Variants in CTCF observed in about 807,000 individuals in gnomAD.
CTCF encodes the protein CCCTC-binding factor, also known as transcriptional repressor CTCF.
CTCF carries 7 observed loss-of-function variants against 72.3 expected under a neutral mutation model. The ratio of observed to expected loss-of-function variants is 0.10; its 90% confidence interval spans 0.06 to 0.18. The LOEUF (loss-of-function observed/expected upper bound fraction) is 0.18. Ranked by LOEUF, CTCF falls within the 10% of genes least tolerant of loss-of-function variation. The pLI, the probability that CTCF is intolerant of heterozygous loss-of-function variation, is 1.00. For missense variants in CTCF, 516 were observed against 949.1 expected (o/e 0.54, Z 6.00); for synonymous variants, 374 against 315.8 (o/e 1.18, Z -1.95).
At position 67,636,810 on chromosome 16, in the gene CTCF, G is replaced by C. The variant is rs2142887151; in HGVS notation, c.1958G>C (p.Gly653Ala). 1 of 1,598,498 alleles carries C rather than the reference G, an allele frequency of 6.3e-7. No homozygotes were observed. The highest frequency in any genetic ancestry group is 8.5e-7 in the Non-Finnish European group (1 of 1,172,162). Residue 653 changes from glycine (G) to alanine (A), a missense_variant, in exon 11 of 12, where the codon GGA (glycine) becomes GCA (alanine). Physicochemically the swap from Gly to Ala is moderately conservative, Grantham distance 60 (BLOSUM62 0). Coordinates refer to ENST00000264010, the MANE Select transcript of CTCF (RefSeq NM_006565.4). ...CCACCACCCGCCAAGAAGCGGAGAG[G>C]ACGACCCCCTGGCAGAACCAACCAG... ...PAPPPAKKRR[G>A]RPPGRTNQPK...
At chr16:67,590,006 G>A (rs930786143) in intron 2 of CTCF, among the ~76,000 whole-genome samples, 5 of 152,058 alleles carry the variant, frequency 3.3e-5, no homozygotes, top group African/African-American at 7.2e-5. Flanking sequence ...AGAATCACTT[G>A]AACGCAGGAG....
intron 2 of CTCF, among the ~76,000 whole-genome samples, chr16:67,590,131 A>C (rs1312174926): frequency 1.3e-5 from 2 of 151,114 alleles, no homozygotes; most frequent in African/African-American, 4.9e-5. Flanking sequence ...TTTTTTTTTA[A>C]AGAAGAGAGT....
intron 2 of CTCF, among the ~76,000 whole-genome samples, chr16:67,573,239 T>A (rs2142720578): frequency 6.7e-6 from 1 of 149,764 alleles, no homozygotes; most frequent in East Asian, 2.0e-4. Flanking sequence ...AGAGTGAGAC[T>A]CTGTCTCAAA....
In CTCF at chr16:67,572,956, C is replaced by G. The variant is rs529181537; in HGVS notation, c.-10+1692C>G. On this transcript the variant is annotated intron_variant, in intron 2 of 11. Coordinates refer to ENST00000264010, the MANE Select transcript of CTCF (RefSeq NM_006565.4). ...CTGTCTGCCCCCCCCCGCCCCCCCC[C>G]CCAAAACAACAAAAGACTGGGCGCG... Among the ~76,000 whole-genome samples the G allele has an allele frequency of 2.1e-4, 29 of 135,800 alleles. No individual in the cohort carries two copies. The South Asian group carries it at 6.7e-3, about 32-fold the overall frequency. The allele number at this position is 135,800 out of a possible 152,430, so 89.1% of individuals were successfully genotyped here.
chr16:67,612,143 G>A (rs1321464791), intron 4 of CTCF, 22 bp downstream of exon 4: 21 of 1,589,370 alleles, frequency 1.3e-5, no homozygotes, highest in Non-Finnish European at 1.5e-5. Context: ...GAATGTTGGG[G>A]GCTACAACAG....
In CTCF at chr16:67,567,557, A is replaced by G. The variant is rs908631543; in HGVS notation, c.-126-3591A>G. 1.1e-4 allele frequency among the ~76,000 whole-genome samples: 16 copies of G among 152,138 alleles called. 1 individual carries two copies. The Middle Eastern group carries it at 0.01, about 97-fold the overall frequency. On this transcript the variant is annotated intron_variant, in intron 1 of 11. Transcript: ENST00000264010. ...GATTTCCTCTTAGAAGATGTACCTC[A>G]TGTGCCAAATTGCTTGGAAACTTTT...
intron 9 of CTCF, 60 bp from the exon 10 acceptor site, chr16:67,629,338 C>T (rs912651130): frequency 2.7e-6 from 4 of 1,498,320 alleles, no homozygotes; most frequent in Admixed American, 2.1e-5. Flanking sequence ...AAGTAAATAA[C>T]TTCCAATCTG....
chr16:67,606,556 C>G (rs192263876), intron 2 of CTCF, among the ~76,000 whole-genome samples: 48 of 151,856 alleles, frequency 3.2e-4, no homozygotes, highest in African/African-American at 1.1e-3. Flanking sequence ...TAATGTCATT[C>G]TCTCTGTAGT....
chr16:67,620,685 T>C lies in CTCF; in HGVS notation c.1087-12T>C. 1 of 1,547,430 alleles carries C rather than the reference T, an allele frequency of 6.5e-7. No homozygotes were observed. The highest frequency in any genetic ancestry group is 8.8e-7 in the Non-Finnish European group (1 of 1,131,846). On this transcript the variant is annotated splice_polypyrimidine_tract_variant and intron_variant, in intron 5 of 11. Coordinates refer to ENST00000264010, the MANE Select transcript of CTCF (RefSeq NM_006565.4). ...TAACAGAAGTTAAAGTTCGGTTGTT[T>C]TCGTATTTCAGGTCAGCAAATTAAA...
intron 2 of CTCF, among the ~76,000 whole-genome samples, chr16:67,581,334 T>C (rs1274836221): frequency 1.3e-5 from 2 of 151,514 alleles, no homozygotes; most frequent in Non-Finnish European, 2.9e-5. Context: ...TTTTCTTTTT[T>C]TTTTTTTTGA....
chr16:67,566,434 C>T (rs2051343511), intron 1 of CTCF, among the ~76,000 whole-genome samples: 1 of 143,912 alleles, frequency 6.9e-6, no homozygotes, highest in Admixed American at 7.2e-5. Flanking sequence ...CACTTGAACC[C>T]GGGAGGCGGA....
chr16:67,566,780 C>T (rs1405044752), intron 1 of CTCF, among the ~76,000 whole-genome samples: 1 of 151,934 alleles, frequency 6.6e-6, no homozygotes, highest in African/African-American at 2.4e-5. Context: ...GGGGTTTCAC[C>T]GTGTTAGCAA....
chr16:67,627,428 T>C (rs1413975646), intron 8 of CTCF: 1 of 151,540 alleles, frequency 6.6e-6, no homozygotes, highest in African/African-American at 2.4e-5. Flanking sequence ...GGGGCGGAGG[T>C]TGCATTGAGC....
At chr16:67,606,764 T>G (rs899116871) in intron 2 of CTCF, among the ~76,000 whole-genome samples, 4 of 149,440 alleles carry the variant, frequency 2.7e-5, no homozygotes, top group Admixed American at 6.6e-5. Context: ...GGGTTTTTTT[T>G]TTTTTTTTTT....
rs1393803483 is a variant in CTCF at position 67,581,968 on chromosome 16, A to G, written c.-10+10704A>G. 3.9e-5 allele frequency among the ~76,000 whole-genome samples: 6 copies of G among 152,206 alleles called. No individual in the cohort carries two copies. The East Asian group carries it at 1.2e-3, about 30-fold the overall frequency. ...GCCGGGTGCAGTGGCTCATGCCTGT[A>G]ATCCCAGCACTTTGGGAGGCCGAGG... On this transcript the variant is annotated intron_variant, in intron 2 of 11. Transcript: ENST00000264010.
At chr16:67,625,136 A>C (rs2052266393) in intron 7 of CTCF, among the ~76,000 whole-genome samples, 1 of 152,002 alleles carries the variant, frequency 6.6e-6, no homozygotes, top group Admixed American at 6.6e-5. Flanking sequence ...TATGTTGGCC[A>C]GGCCAGGTCT....
At chr16:67,598,810 T>A (rs1246876586) in intron 2 of CTCF, among the ~76,000 whole-genome samples, 1 of 152,230 alleles carries the variant, frequency 6.6e-6, no homozygotes. Flanking sequence ...TAGACTAGAA[T>A]GCTGAATTCC....
chr16:67,584,121 C>T (rs1358863269), intron 2 of CTCF, among the ~76,000 whole-genome samples: 1 of 151,740 alleles, frequency 6.6e-6, no homozygotes, highest in African/African-American at 2.4e-5. Context: ...CCTGTAATCC[C>T]AGCACTTTGG....
intron 1 of CTCF, among the ~76,000 whole-genome samples, chr16:67,565,692 AAAG>A (rs1161083783): frequency 2.0e-5 from 3 of 152,030 alleles, no homozygotes; most frequent in Non-Finnish European, 4.4e-5. Context: ...AAAAAAAAAA[AAAG>A]AGTAGTTGTA....
Sources: allele counts gnomAD v4.1 joint callset (sites outside exome capture counted in the v4.1 genomes callset), GRCh38; gene constraint gnomAD v4.1.1; transcripts MANE v1.5; gene names NCBI Gene and HGNC (gene_info 2026-07-23, HGNC 2026-07-21).